FAM171A1: variants seen among roughly 807,000 people sequenced by gnomAD.
FAM171A1 encodes the protein family with sequence similarity 171 member A1, also known as protein FAM171A1.
In FAM171A1, 23 loss-of-function variants were observed where a neutral mutation model predicts 74.9. The observed-to-expected ratio is 0.31, with a 90% CI of 0.22 to 0.44. The LOEUF (loss-of-function observed/expected upper bound fraction) is 0.44. Ranked by LOEUF, FAM171A1 falls within the 20% of genes least tolerant of loss-of-function variation. The pLI is 1.00. For missense variants in FAM171A1, 1,162 were observed against 1,159.2 expected, an observed-to-expected ratio of 1.00 and a Z score of -0.03; for synonymous variants, 527 against 505.7, an observed-to-expected ratio of 1.04 and a Z score of -0.57.
chr10:15,231,694 T>C (rs568158206), intron 5 of FAM171A1, among the ~76,000 whole-genome samples: 5 of 152,152 alleles, frequency 3.3e-5, no homozygotes, highest in African/African-American at 9.6e-5. Flanking sequence ...GTTCACTAGG[T>C]GGCCAGTGCT....
At chr10:15,310,352 T>A (rs1287641782) in intron 1 of FAM171A1, among the ~76,000 whole-genome samples, 2 of 152,160 alleles carry the variant, frequency 1.3e-5, no homozygotes, top group Non-Finnish European at 2.9e-5. Context: ...TACCCTTGGG[T>A]TGTTGTAAAG....
chr10:15,351,600 G>GATGGATGGATGC (rs1343796280), intron 1 of FAM171A1, among the ~76,000 whole-genome samples: 7 of 151,242 alleles, frequency 4.6e-5, no homozygotes, highest in Admixed American at 3.3e-4. Context: ...TGGATGCATG[G>GATGGATGGATGC]ATGGATGGAT....
intron 1 of FAM171A1, among the ~76,000 whole-genome samples, chr10:15,305,713 TCA>T (rs1053049283): frequency 2.3e-5 from 3 of 130,340 alleles, no homozygotes; most frequent in Non-Finnish European, 4.8e-5. Flanking sequence ...ATGAAAAATT[TCA>T]GACTTTGGAC....
chr10:15,255,226 A>G lies in FAM171A1; in HGVS notation c.419-347T>C, dbSNP rs528656205. On this transcript the variant is annotated intron_variant, in intron 3 of 7. Coordinates refer to ENST00000378116, the MANE Select transcript of FAM171A1 (RefSeq NM_001010924.2). ...GAAACTCCATGTAAATGAAACAAGT[A>G]GATGACTATTAATCTCTTTACTCAA... is the stretch of plus-strand genomic sequence containing the variant. 3.9e-5 allele frequency among the ~76,000 whole-genome samples: 6 copies of G among 152,342 alleles called. No individual in the cohort carries two copies. In the South Asian group the frequency reaches 1.2e-3, roughly 32 times the overall value.
chr10:15,301,239 C>T (rs1307020312), intron 1 of FAM171A1, among the ~76,000 whole-genome samples: 1 of 152,136 alleles, frequency 6.6e-6, no homozygotes, highest in Non-Finnish European at 1.5e-5. Context: ...GTGGCGCGAT[C>T]TCGGCTCACT....
At chr10:15,367,921 C>T (rs1347882204) in intron 1 of FAM171A1, among the ~76,000 whole-genome samples, 1 of 152,198 alleles carries the variant, frequency 6.6e-6, no homozygotes, top group Non-Finnish European at 1.5e-5. Context: ...TTCAAAAACA[C>T]ATCCCTAAAG....
At chr10:15,331,589 T>C (rs2131859371) in intron 1 of FAM171A1, among the ~76,000 whole-genome samples, 1 of 151,904 alleles carries the variant, frequency 6.6e-6, no homozygotes, top group African/African-American at 2.4e-5. Context: ...ACATTAAAAC[T>C]TAGCTCTAGA....
chr10:15,254,032 T>C (rs1023957185), intron 4 of FAM171A1, among the ~76,000 whole-genome samples: 2 of 152,214 alleles, frequency 1.3e-5, no homozygotes, highest in African/African-American at 4.8e-5. Flanking sequence ...CCCAGCTGAC[T>C]TAGAGACCTG....
At chr10:15,320,670 T>C (rs1414303746) in intron 1 of FAM171A1, among the ~76,000 whole-genome samples, 4 of 152,240 alleles carry the variant, frequency 2.6e-5, no homozygotes, top group Non-Finnish European at 5.9e-5. Context: ...CTGACTGGTA[T>C]GAGATGGTAT....
intron 4 of FAM171A1, among the ~76,000 whole-genome samples, chr10:15,249,042 A>C (rs1013799633): frequency 2.0e-5 from 3 of 152,098 alleles, no homozygotes; most frequent in African/African-American, 7.2e-5. Flanking sequence ...TAGGTGGCCT[A>C]AGGGCATACA....
intron 1 of FAM171A1, among the ~76,000 whole-genome samples, chr10:15,359,106 C>G (rs550478766): frequency 2.0e-5 from 3 of 152,162 alleles, no homozygotes; most frequent in African/African-American, 7.2e-5. Context: ...TAAGAAGCAC[C>G]GAGCACATGT....
At chr10:15,318,736 T>G (rs1373343172) in intron 1 of FAM171A1, among the ~76,000 whole-genome samples, 4 of 151,996 alleles carry the variant, frequency 2.6e-5, no homozygotes, top group African/African-American at 4.8e-5. Flanking sequence ...CTTATAGGAG[T>G]CTAGATGTGG....
intron 3 of FAM171A1, among the ~76,000 whole-genome samples, chr10:15,269,758 GCA>G (rs1198108476): frequency 2.0e-5 from 3 of 152,096 alleles, no homozygotes; most frequent in African/African-American, 4.8e-5. Flanking sequence ...AGGGATGGTG[GCA>G]CACAGAGTGG....
At chr10:15,334,427 G>A (rs1481728183) in intron 1 of FAM171A1, among the ~76,000 whole-genome samples, 1 of 152,164 alleles carries the variant, frequency 6.6e-6, no homozygotes, top group Non-Finnish European at 1.5e-5. Context: ...GTGGTTAACC[G>A]CTAAAGTTAT....
intron 1 of FAM171A1, among the ~76,000 whole-genome samples, chr10:15,296,693 T>G (rs1309345841): frequency 6.6e-6 from 1 of 151,168 alleles, no homozygotes; most frequent in African/African-American, 2.4e-5. Context: ...TGAACCTCAC[T>G]ATGGATCTGC....
chr10:15,295,556 GCTTCCTCTTAACCGCTTTTCATTCC>G (rs1835151855), intron 1 of FAM171A1, among the ~76,000 whole-genome samples: 2 of 152,140 alleles, frequency 1.3e-5, no homozygotes, highest in Admixed American at 1.3e-4. Context: ...GAAGTTTTTG[GCTTCCTCTTAACCGCTTTTCATTCC>G]CTTTTCTATT....
chr10:15,265,178 G>A (rs184999174), intron 3 of FAM171A1, among the ~76,000 whole-genome samples: 11 of 152,026 alleles, frequency 7.2e-5, no homozygotes, highest in South Asian at 2.1e-4. Flanking sequence ...CTTACTCCTC[G>A]GGCCGATTTA....
rs934639836 is a variant in FAM171A1, at chr10:15,350,663, G to C, written c.97+20293C>G. On this transcript the variant is annotated intron_variant, in intron 1 of 7. Coordinates refer to ENST00000378116, the MANE Select transcript of FAM171A1 (RefSeq NM_001010924.2). The stretch of plus-strand genomic sequence containing the variant: ...GCCAATTCTCTCTTTTTTTTTTTTT[G>C]AGACAGTCTCTGTCGCCCAGGCTGG... Among the ~76,000 whole-genome samples the C allele has an allele frequency of 1.2e-4, 16 of 136,050 alleles. 1 individual carries two copies. Among genetic ancestry groups the C allele is most frequent in the African/African-American group, 4.0e-4 (14 of 35,390 alleles). The allele number at this position is 136,050 out of a possible 152,430, so 89.3% of individuals were successfully genotyped here.
chr10:15,266,866 CAAAAAAA>C (rs1156974565), intron 3 of FAM171A1, among the ~76,000 whole-genome samples: 99 of 55,260 alleles, frequency 1.8e-3, no homozygotes, highest in African/African-American at 4.8e-3. Flanking sequence ...GAGACTGTTT[CAAAAAAA>C]AAAAAAAAAA....
Sources: allele counts gnomAD v4.1 joint callset (sites outside exome capture counted in the v4.1 genomes callset), GRCh38; gene constraint gnomAD v4.1.1; transcripts MANE v1.5; gene names NCBI Gene and HGNC (gene_info 2026-07-23, HGNC 2026-07-21).